RBM27: variants seen among roughly 807,000 people sequenced by gnomAD.
RBM27 encodes RNA-binding protein 27.
A neutral mutation model predicts 135.3 loss-of-function variants in RBM27; 22 were observed. The observed-to-expected ratio is 0.16, with a 90% CI of 0.12 to 0.23. RBM27 has a LOEUF of 0.23. RBM27 is among the 10% of genes least tolerant of loss of function. The pLI is 1.00. For synonymous variants in RBM27, 481 were observed against 442.4 expected, an observed-to-expected ratio of 1.09 and a Z score of -1.10; for missense variants, 1,009 against 1,281.0, an observed-to-expected ratio of 0.79 and a Z score of 3.24.
intron 4 of RBM27, 69 bp from the exon 5 acceptor site, chr5:146,229,648 A>G (rs1756842555): frequency 1.5e-6 from 2 of 1,328,368 alleles, no homozygotes; most frequent in Non-Finnish European, 2.1e-6. Context: ...AGTAGTATTT[A>G]TACTATAGAT....
In RBM27 at chr5:146,237,342, C is replaced by A. The variant is rs752492040; in HGVS notation, c.1189C>A (p.Pro397Thr). 6.2e-7 allele frequency: 1 copy of A among 1,614,052 alleles called. No individual in the cohort carries two copies. The highest frequency in any genetic ancestry group is 1.3e-5 in the African/African-American group (1 of 74,928). Residue 397 changes from proline (P) to threonine (T), a missense_variant, in exon 8 of 21, where the codon CCT becomes ACT. Pro to Thr is a conservative substitution (Grantham distance 38, BLOSUM62 -1). Around this residue, in one of 6 missense-constraint regions of RBM27, gnomAD observed 329 missense variants for 368.1 expected, o/e 0.89. Coordinates refer to ENST00000265271, the MANE Select transcript of RBM27 (RefSeq NM_018989.2). ...AAGCTTGATAAACAGCCGTGACCAG[C>A]CTGGGACAAGTGCAGTGCCCAATCT... ...QSSLINSRDQPGTSAVPNLAS... is the reference protein window; with the variant it reads ...QSSLINSRDQTGTSAVPNLAS...
chr5:146,244,533 GC>G (rs957513266), intron 8 of RBM27, among the ~76,000 whole-genome samples: 3 of 148,414 alleles, frequency 2.0e-5, no homozygotes, highest in African/African-American at 4.9e-5. Flanking sequence ...TTTTACCCAT[GC>G]CCCCCCACCC....
At chr5:146,204,844 T>C (rs1755556353) in intron 1 of RBM27, among the ~76,000 whole-genome samples, 1 of 152,136 alleles carries the variant, frequency 6.6e-6, no homozygotes, top group Non-Finnish European at 1.5e-5. Flanking sequence ...GTGGTGTTAG[T>C]AGAAATGTTA....
chr5:146,220,762 A>G (rs1203201222), intron 2 of RBM27, among the ~76,000 whole-genome samples: 1 of 152,158 alleles, frequency 6.6e-6, no homozygotes, highest in Non-Finnish European at 1.5e-5. Context: ...CCTCCCCAGT[A>G]CAGATGTTTT....
In RBM27 at chr5:146,237,413, C is replaced by A; in HGVS notation, c.1260C>A (p.Leu420=). The A allele has an allele frequency of 6.2e-7, 1 of 1,614,048 alleles. No homozygotes were observed. Among genetic ancestry groups the A allele is most frequent in the South Asian group, 1.1e-5 (1 of 91,082 alleles). Residue 420 remains leucine (L), a synonymous_variant, in exon 8 of 21, where the codon CTC becomes CTA. Coordinates refer to ENST00000265271, the MANE Select transcript of RBM27 (RefSeq NM_018989.2). ...TRLPPPLPQN[L]LYTVSERQPM... ...TACCTCCTCCTTTACCCCAGAACCT[C>A]CTTTACACAGTATCAGAACGTAAGT...
chr5:146,239,472 C>CTTTTTTTTTTTTTTTTTT (rs916182587), intron 8 of RBM27, among the ~76,000 whole-genome samples: 6 of 55,360 alleles, frequency 1.1e-4, no homozygotes, highest in Admixed American at 2.8e-4. Flanking sequence ...TTTTCCTTTT[C>CTTTTTTTTTTTTTTTTTT]TTTTTTTTTT....
chr5:146,258,652 T>A (rs370307164), intron 11 of RBM27, 59 bp downstream of exon 11: 1 of 1,351,868 alleles, frequency 7.4e-7, no homozygotes, highest in Non-Finnish European at 9.7e-7. Flanking sequence ...ATTGGTAAAT[T>A]CATAAAAATA....
At chr5:146,234,125 C>G (rs1757064438) in intron 7 of RBM27, among the ~76,000 whole-genome samples, 1 of 152,158 alleles carries the variant, frequency 6.6e-6, no homozygotes, top group South Asian at 2.1e-4. Context: ...CTGCCTTGGC[C>G]TCCCAAAGTG....
At chr5:146,236,786 G>A (rs1757178285) in intron 7 of RBM27, among the ~76,000 whole-genome samples, 1 of 151,930 alleles carries the variant, frequency 6.6e-6, no homozygotes, top group Admixed American at 6.6e-5. Flanking sequence ...ACCACACCCA[G>A]CTTATTTTTG....
chr5:146,276,125 GTAAGCA>G (rs933107442), intron 19 of RBM27, among the ~76,000 whole-genome samples: 16 of 150,732 alleles, frequency 1.1e-4, no homozygotes, highest in African/African-American at 3.9e-4. Context: ...TTTCTAAATT[GTAAGCA>G]TTATATATTG....
intron 19 of RBM27, among the ~76,000 whole-genome samples, chr5:146,281,451 G>A (rs923739525): frequency 6.6e-6 from 1 of 152,164 alleles, no homozygotes; most frequent in African/African-American, 2.4e-5. Flanking sequence ...CTCTAAAACA[G>A]GAGTGTCCAA....
chr5:146,260,861 A>G lies in RBM27; in HGVS notation c.1856A>G (p.Glu619Gly). Reference sequence around the variant, plus strand: ...TTGAACAACATTACCAAGCTCAATGAACACTTCAGCAAATTTGGAACTATT... The same window carrying G: ...TTGAACAACATTACCAAGCTCAATGGACACTTCAGCAAATTTGGAACTATT... ...QELNNITKLN[E>G]HFSKFGTIVN... The change falls in exon 12 of 21, where the codon GAA becomes GGA. Residue 619 changes from glutamate (E) to glycine (G), a missense_variant. Transcript: ENST00000265271. The G allele has an allele frequency of 6.2e-7, 1 of 1,612,124 alleles. No individual in the cohort carries two copies. Among genetic ancestry groups the G allele is most frequent in the Non-Finnish European group, 8.5e-7 (1 of 1,179,630 alleles).
intron 1 of RBM27, among the ~76,000 whole-genome samples, chr5:146,217,002 T>C (rs1394771015): frequency 6.6e-6 from 1 of 152,040 alleles, no homozygotes; most frequent in Non-Finnish European, 1.5e-5. Context: ...AGTCTCGCTC[T>C]GTTGCCCAGG....
intron 19 of RBM27, among the ~76,000 whole-genome samples, chr5:146,278,835 C>T (rs1032746801): frequency 6.6e-6 from 1 of 151,828 alleles, no homozygotes; most frequent in Non-Finnish European, 1.5e-5. Context: ...CATTCTCCTG[C>T]CTCAGCCTCC....
At chr5:146,240,207 A>G (rs1757344771) in intron 8 of RBM27, among the ~76,000 whole-genome samples, 1 of 147,698 alleles carries the variant, frequency 6.8e-6, no homozygotes, top group Non-Finnish European at 1.5e-5. Context: ...TTCCCCCCCA[A>G]TCTTCTTTCC....
chr5:146,242,291 G>A (rs1240977918), intron 8 of RBM27, among the ~76,000 whole-genome samples: 1 of 152,078 alleles, frequency 6.6e-6, no homozygotes, highest in Non-Finnish European at 1.5e-5. Context: ...CCGTTTTGTT[G>A]TAGACCAATA....
In RBM27 at chr5:146,233,740, C is replaced by A; in HGVS notation, c.1141C>A (p.Pro381Thr). The change falls in exon 7 of 21, where the codon CCA (proline) becomes ACA (threonine). Residue 381 changes from proline to threonine, a missense_variant. This residue lies in a region of RBM27 where 329 missense variants were observed against 368.1 expected (regional missense o/e 0.89). Coordinates refer to ENST00000265271, the MANE Select transcript of RBM27 (RefSeq NM_018989.2). ...TCCACCATCCGTTGTGCTTCCCATA[C>A]CAAGTAAGTATATATTTGTTGAATT... ...QPPPSVVLPI[P>T]RPPITQSSLI... The A allele has an allele frequency of 7.1e-7, 1 of 1,415,446 alleles. No homozygotes were observed. The highest frequency in any genetic ancestry group is 9.3e-7 in the Non-Finnish European group (1 of 1,080,958). The allele number at this position is 1,415,446 out of a possible 1,614,324, so 87.7% of individuals were successfully genotyped here.
At position 146,286,080 on chromosome 5, in the gene RBM27, C is replaced by A; in HGVS notation, c.*50C>A. On this transcript the variant is annotated 3_prime_UTR_variant, in exon 21 of 21. Coordinates refer to ENST00000265271, the MANE Select transcript of RBM27 (RefSeq NM_018989.2). ...TTAGGAATATTGTTTAGAAGAACAA[C>A]TTTTAAAAATTATTTAAAAGAAGTC... is the stretch of plus-strand genomic sequence containing the variant. The A allele has an allele frequency of 1.3e-6, 2 of 1,501,870 alleles. No individual in the cohort carries two copies. Among genetic ancestry groups the A allele is most frequent in the Middle Eastern group, 1.8e-4 (1 of 5,706 alleles). 93.0% of individuals were successfully genotyped at this position (1,501,870 alleles called of 1,614,324 possible).
chr5:146,264,508 A>T (rs989062163), intron 14 of RBM27, among the ~76,000 whole-genome samples: 23 of 152,286 alleles, frequency 1.5e-4, no homozygotes, highest in African/African-American at 5.5e-4. Flanking sequence ...GTCTTTATTA[A>T]TTTCTTTAAT....
Sources: allele counts gnomAD v4.1 joint callset (sites outside exome capture counted in the v4.1 genomes callset), GRCh38; gene constraint gnomAD v4.1.1; regional missense constraint gnomAD v4.1.1; transcripts MANE v1.5; gene names NCBI Gene and HGNC (gene_info 2026-07-23, HGNC 2026-07-21).